SASS6: variants seen among roughly 807,000 people sequenced by gnomAD.
SASS6 encodes SAS-6 centriolar assembly protein.
A neutral mutation model predicts 94.9 loss-of-function variants in SASS6; 59 were observed. The ratio of observed to expected loss-of-function variants is 0.62; its 90% confidence interval spans 0.50 to 0.77. The LOEUF (loss-of-function observed/expected upper bound fraction) is 0.77. Among genes scored for constraint, SASS6 ranks in the 30% least tolerant of loss-of-function variants. The pLI is 0.00. For missense variants in SASS6, 698 were observed against 734.1 expected, an observed-to-expected ratio of 0.95 and a Z score of 0.57; for synonymous variants, 264 against 270.0, an observed-to-expected ratio of 0.98 and a Z score of 0.22.
At position 100,085,292 on chromosome 1, in the gene SASS6, TAAAATACCAATAAAA is replaced by T. The variant is rs1338385346; in HGVS notation, c.*21_*35del. On this transcript the variant is annotated 3_prime_UTR_variant, in exon 17 of 17. Transcript: ENST00000287482. ...CATATTTTTTAAGCACCTGAGTTTCTAAAATACCAATAAAAAGTAAAACATGACACTAGAATTAAC... is the reference window on the plus strand; with the variant it reads ...CATATTTTTTAAGCACCTGAGTTTCTAGTAAAACATGACACTAGAATTAAC... 1 of 1,339,074 alleles carries T rather than the reference TAAAATACCAATAAAA, an allele frequency of 7.5e-7. No individual in the cohort carries two copies. Among genetic ancestry groups the T allele is most frequent in the Non-Finnish European group, 1.1e-6 (1 of 930,722 alleles). The allele number at this position is 1,339,074 out of a possible 1,614,324, so 82.9% of individuals were successfully genotyped here. A position where few individuals can be genotyped will look rare whatever the true frequency, so the allele number is the denominator to read the frequency against.
At chr1:100,092,007 CAAAAAAAAAA>C (rs34503110) in intron 14 of SASS6, among the ~76,000 whole-genome samples, 7 of 50,018 alleles carry the variant, frequency 1.4e-4, no homozygotes, top group South Asian at 8.9e-4. Context: ...GACCCTGTCT[CAAAAAAAAAA>C]AAAAAAAAAA....
In SASS6 at chr1:100,122,483, A is replaced by T; in HGVS notation, c.208T>A (p.Leu70Ile). The T allele has an allele frequency of 7.3e-7, 1 of 1,378,294 alleles. No individual in the cohort carries two copies. Among genetic ancestry groups the T allele is most frequent in the Non-Finnish European group, 1.0e-6 (1 of 974,454 alleles). The allele number at this position is 1,378,294 out of a possible 1,614,324, so 85.4% of individuals were successfully genotyped here. A position where few individuals can be genotyped will look rare whatever the true frequency, so the allele number is the denominator to read the frequency against. Residue 70 changes from leucine to isoleucine, a missense_variant and splice_region_variant, in exon 4 of 17, where the codon TTA becomes ATA. Transcript: ENST00000287482. ...LVISEEDFQS[L>I]KFQQGLLVDF... ...ACCAGAAGACCTTGCTGGAATTTTA[A>T]ACTATACAGAAGAAAGGAAAAGAAA...
At chr1:100,132,042 C>T (rs1345473031) in intron 1 of SASS6, among the ~76,000 whole-genome samples, 1 of 152,178 alleles carries the variant, frequency 6.6e-6, no homozygotes, top group Non-Finnish European at 1.5e-5. Flanking sequence ...ATAATACCAC[C>T]TCCTTAATCA....
intron 14 of SASS6, among the ~76,000 whole-genome samples, chr1:100,102,402 C>T (rs527570545): frequency 3.9e-5 from 6 of 152,210 alleles, no homozygotes; most frequent in Non-Finnish European, 8.8e-5. Flanking sequence ...GCTGGCCGGG[C>T]GTGGTGGCTC....
chr1:100,096,085 A>G (rs1463356747), intron 14 of SASS6, among the ~76,000 whole-genome samples: 2 of 152,212 alleles, frequency 1.3e-5, no homozygotes, highest in Non-Finnish European at 2.9e-5. Context: ...AAAGATCTAA[A>G]ACAATTTTGA....
intron 14 of SASS6, among the ~76,000 whole-genome samples, chr1:100,097,622 C>T (rs1281787852): frequency 1.3e-5 from 2 of 151,862 alleles, no homozygotes; most frequent in African/African-American, 2.4e-5. Context: ...CCCAGGAATT[C>T]GAAATCACCC....
chr1:100,128,383 A>C lies in SASS6; in HGVS notation c.66-2441T>G, dbSNP rs1374049736. The stretch of plus-strand genomic sequence containing the variant: ...TCCTGTCATACTTCATATATTTGCA[A>C]AAAGTACAAGAAGAATTCACTTATC... On this transcript the variant is annotated intron_variant, in intron 1 of 16. Transcript: ENST00000287482. Among the ~76,000 whole-genome samples the C allele has an allele frequency of 2.0e-5, 3 of 152,202 alleles. No homozygotes were observed. The East Asian group carries it at 5.8e-4, about 29-fold the overall frequency.
intron 14 of SASS6, among the ~76,000 whole-genome samples, chr1:100,090,860 C>T (rs1300463434): frequency 6.6e-6 from 1 of 152,118 alleles, no homozygotes; most frequent in Non-Finnish European, 1.5e-5. Flanking sequence ...GGTATATAAA[C>T]TCTTAGGCTC....
chr1:100,131,139 T>C (rs893515014), intron 1 of SASS6, among the ~76,000 whole-genome samples: 12 of 152,140 alleles, frequency 7.9e-5, no homozygotes, highest in Non-Finnish European at 5.9e-5. Context: ...CCAATGGAGA[T>C]ACAATGTAAG....
In SASS6 at chr1:100,088,181, G is replaced by T; in HGVS notation, c.1730C>A (p.Ser577Ter). 1 of 1,607,322 alleles carries T rather than the reference G, an allele frequency of 6.2e-7. No individual in the cohort carries two copies. The highest frequency in any genetic ancestry group is 1.7e-4 in the Middle Eastern group (1 of 6,044). ...KPNASLGDVQ[S>*]GATISMPCST... ...GCAAGGCATACTAATAGTTGCTCCT[G>T]ACTGAACATCTCCTAGTGATGCATT... Residue 577 changes from serine to a stop codon, truncating the protein, a stop_gained, in exon 15 of 17, where the codon TCA becomes TAA. Coordinates refer to ENST00000287482, the MANE Select transcript of SASS6 (RefSeq NM_194292.3). LOFTEE classifies it high-confidence loss of function.
chr1:100,121,161 C>T (rs1403930724), intron 5 of SASS6, among the ~76,000 whole-genome samples: 2 of 151,986 alleles, frequency 1.3e-5, no homozygotes, highest in South Asian at 2.1e-4. Context: ...CAAAATCACA[C>T]GATTGGTAAA....
chr1:100,121,313 C>T (rs1211212656), intron 5 of SASS6, 65 bp downstream of exon 5: 19 of 933,888 alleles, frequency 2.0e-5, no homozygotes, highest in Non-Finnish European at 3.0e-5. Flanking sequence ...TGTATCTCTT[C>T]AATAATTTAT....
Position 100,088,243 on chromosome 1 carries a change from G to A in SASS6, c.1675-7C>T, listed in dbSNP as rs757468146. The A allele has an allele frequency of 2.7e-6, 4 of 1,460,964 alleles. No individual in the cohort carries two copies. The highest frequency in any genetic ancestry group is 2.9e-6 in the Non-Finnish European group (3 of 1,041,582). The allele number at this position is 1,460,964 out of a possible 1,614,324, so 90.5% of individuals were successfully genotyped here. A position where few individuals can be genotyped will look rare whatever the true frequency, so the allele number is the denominator to read the frequency against. On this transcript the variant is annotated splice_region_variant and splice_polypyrimidine_tract_variant and intron_variant, in intron 14 of 16. Coordinates refer to ENST00000287482, the MANE Select transcript of SASS6 (RefSeq NM_194292.3). ...ACTGCAAATTAAACTGAACCTGTGA[G>A]AAGGAAAAACATCTCATGTAACTGA...
intron 1 of SASS6, among the ~76,000 whole-genome samples, chr1:100,130,706 AG>A (rs1654944779): frequency 9.9e-6 from 1 of 100,510 alleles, no homozygotes; most frequent in South Asian, 3.7e-4. Flanking sequence ...AAAAAAAAAG[AG>A]AGAGAGAAAG....
In SASS6 at chr1:100,083,751, G is replaced by A. The variant is rs533188728; in HGVS notation, c.*1577C>T. The A allele has an allele frequency of 9.9e-5, 15 of 152,048 alleles. No individual in the cohort carries two copies. The highest frequency in any genetic ancestry group is 2.1e-4 in the South Asian group (1 of 4,812). 9.4% of individuals were successfully genotyped at this position (152,048 alleles called of 1,614,324 possible). A position where few individuals can be genotyped will look rare whatever the true frequency, so the allele number is the denominator to read the frequency against. Reference sequence around the variant, plus strand: ...GTATACATTTAATACAAATTTGCAAGATATCAGAATGATCTCTCCTGAAAA... The same window carrying A: ...GTATACATTTAATACAAATTTGCAAAATATCAGAATGATCTCTCCTGAAAA... On this transcript the variant is annotated 3_prime_UTR_variant, in exon 17 of 17. Transcript: ENST00000287482.
At chr1:100,095,254 G>A (rs1411122906) in intron 14 of SASS6, among the ~76,000 whole-genome samples, 2 of 152,172 alleles carry the variant, frequency 1.3e-5, no homozygotes, top group African/African-American at 4.8e-5. Context: ...TAGGCTGGGT[G>A]CAGTGGCCTA....
At chr1:100,113,116 G>C (rs641458) in intron 7 of SASS6, among the ~76,000 whole-genome samples, 118,702 of 152,068 alleles carry the variant, frequency 0.78, 47,801 homozygotes, top group East Asian at 0.94. Flanking sequence ...AATAGACAAG[G>C]AGTACTCCAA....
At chr1:100,128,416 T>A (rs1654777385) in intron 1 of SASS6, among the ~76,000 whole-genome samples, 1 of 152,220 alleles carries the variant, frequency 6.6e-6, no homozygotes, top group African/African-American at 2.4e-5. Context: ...ATCAAAGTGT[T>A]CTTTACATAA....
At chr1:100,088,572 G>A (rs559083768) in intron 14 of SASS6, among the ~76,000 whole-genome samples, 1 of 150,674 alleles carries the variant, frequency 6.6e-6, no homozygotes, top group South Asian at 2.1e-4. Flanking sequence ...TTACAGGGAT[G>A]AGCCACCATT....
Sources: gnomAD v4.1 joint callset for allele counts (sites outside exome capture counted in the v4.1 genomes callset) on GRCh38, gnomAD v4.1.1 for gene constraint, MANE v1.5 for transcripts, NCBI Gene and HGNC (gene_info 2026-07-23, HGNC 2026-07-21) for gene names.